CC2D2B: variants seen among roughly 807,000 people sequenced by gnomAD.
CC2D2B encodes the protein coiled-coil and C2 domain containing 2B.
CC2D2B carries 128 observed loss-of-function variants against 161.2 expected under a neutral mutation model. The ratio of observed to expected loss-of-function variants is 0.79; its 90% CI spans 0.69 to 0.92. The LOEUF (loss-of-function observed/expected upper bound fraction) is 0.92, where lower values mean the gene tolerates loss of function less well. Ranked by LOEUF, CC2D2B falls within the 40% of genes least tolerant of loss-of-function variation. The probability of loss-of-function intolerance (pLI) is 0.00; values close to 1 mark genes in which losing one functional copy is unlikely to be tolerated. For missense variants in CC2D2B, 1,173 were observed against 1,375.1 expected, an observed-to-expected ratio of 0.85 and a Z score of 2.32; for synonymous variants, 391 against 449.8, an observed-to-expected ratio of 0.87 and a Z score of 1.65.
chr10:96,000,013 T>A (rs994507271), intron 24 of CC2D2B: 1 of 1,275,634 alleles, frequency 7.8e-7, no homozygotes, highest in Non-Finnish European at 1.1e-6. Flanking sequence ...CTTGCCCTTC[T>A]TTGTTTACAA....
intron 16 of CC2D2B, among the ~76,000 whole-genome samples, chr10:95,972,618 G>T (rs1288063586): frequency 6.6e-6 from 1 of 152,064 alleles, no homozygotes; most frequent in African/African-American, 2.4e-5. Flanking sequence ...CTGGCCCTGT[G>T]TTTATTCTGT....
At chr10:96,005,889 AAT>A (rs967327784) in intron 25 of CC2D2B, among the ~76,000 whole-genome samples, 1 of 152,160 alleles carries the variant, frequency 6.6e-6, no homozygotes, top group African/African-American at 2.4e-5. Flanking sequence ...TTTTTAAAAA[AAT>A]AGTTATTTTC....
chr10:95,996,857 T>C (rs1237746920), intron 24 of CC2D2B, among the ~76,000 whole-genome samples: 1 of 152,190 alleles, frequency 6.6e-6, no homozygotes, highest in Non-Finnish European at 1.5e-5. Context: ...TGAGGCCTAA[T>C]GGGAGGTGTT....
At chr10:96,029,816 TG>T (rs1382528836) in intron 34 of CC2D2B, among the ~76,000 whole-genome samples, 63 of 93,980 alleles carry the variant, frequency 6.7e-4, no homozygotes, top group Middle Eastern at 8.1e-3. Context: ...ATTGTTGTTT[TG>T]TTTTTTTTTT....
At chr10:95,965,230 A>C (rs1373574365) in intron 12 of CC2D2B, among the ~76,000 whole-genome samples, 1 of 152,160 alleles carries the variant, frequency 6.6e-6, no homozygotes, top group African/African-American at 2.4e-5. Flanking sequence ...TGTTCAGATA[A>C]CTGAGATTTT....
At chr10:95,976,456 A>G (rs2077316680) in intron 17 of CC2D2B, among the ~76,000 whole-genome samples, 2 of 152,210 alleles carry the variant, frequency 1.3e-5, no homozygotes, top group Non-Finnish European at 2.9e-5. Context: ...GTAAATTGCA[A>G]AAGAGGTTTT....
rs869263327 is a variant in CC2D2B at position 95,957,553 on chromosome 10, A to ATTTTT, written c.1109+2083_1109+2087dup. On this transcript the variant is annotated intron_variant, in intron 11 of 34. Transcript: ENST00000646931. The stretch of plus-strand genomic sequence containing the variant: ...CTGGGCACAGAGACAGCTGACAATG[A>ATTTTT]TTTTTTTTTTTTTTTTTTTTTTTTT... Among the ~76,000 whole-genome samples, 64 of 83,714 alleles carry ATTTTT rather than the reference A, an allele frequency of 7.6e-4. 2 individuals are homozygous for ATTTTT. Among genetic ancestry groups the ATTTTT allele is most frequent in the East Asian group, 2.2e-3 (7 of 3,164 alleles). The allele number at this position is 83,714 out of a possible 152,430, so 54.9% of individuals were successfully genotyped here. A position where few individuals can be genotyped will look rare whatever the true frequency, so the allele number is the denominator to read the frequency against.
intron 18 of CC2D2B, among the ~76,000 whole-genome samples, chr10:95,982,680 T>A (rs1422923077): frequency 6.6e-6 from 1 of 152,256 alleles, no homozygotes; most frequent in East Asian, 1.9e-4. Context: ...CTTGCTTTCC[T>A]GTTAACCTTT....
chr10:95,959,502 G>T (rs955731479), intron 11 of CC2D2B, among the ~76,000 whole-genome samples: 2 of 152,152 alleles, frequency 1.3e-5, no homozygotes, highest in African/African-American at 4.8e-5. Context: ...TACATTTTCA[G>T]CTCGTTTAAT....
At chr10:96,029,261 T>TAC (rs2079931470) in intron 34 of CC2D2B, among the ~76,000 whole-genome samples, 6 of 53,460 alleles carry the variant, frequency 1.1e-4, no homozygotes, top group Non-Finnish European at 1.6e-4. Context: ...TATATATATA[T>TAC]ATATATATAT....
chr10:95,993,819 GTATATATAAAGAGTGTA>G (rs1458900016), intron 22 of CC2D2B, among the ~76,000 whole-genome samples: 3 of 139,154 alleles, frequency 2.2e-5, no homozygotes, highest in Non-Finnish European at 4.6e-5. Context: ...TATATAGAGT[GTATATATAAAGAGTGTA>G]TATATATATA....
chr10:95,995,198 C>A, intron 22 of CC2D2B, 71 bp from the exon 23 acceptor site: 2 of 799,654 alleles, frequency 2.5e-6, no homozygotes, highest in Admixed American at 3.1e-5. Flanking sequence ...ACAGGAAAAA[C>A]CCACCCACTC....
intron 10 of CC2D2B, chr10:95,950,411 A>G (rs1340620464): frequency 5.6e-6 from 1 of 179,118 alleles, no homozygotes. Context: ...GTCTTATAAT[A>G]AAGTATTTTA....
intron 28 of CC2D2B, among the ~76,000 whole-genome samples, chr10:96,013,374 C>CAA (rs201906577): frequency 1.6e-5 from 2 of 126,648 alleles, no homozygotes; most frequent in East Asian, 4.5e-4. Context: ...GATTTTGAAC[C>CAA]AAAAAAAAAA....
chr10:95,910,816 G>C (rs1419043498), intron 1 of CC2D2B, among the ~76,000 whole-genome samples: 1 of 151,970 alleles, frequency 6.6e-6, no homozygotes, highest in Non-Finnish European at 1.5e-5. Context: ...TATACTTTTG[G>C]GGGGAAGGGA....
intron 20 of CC2D2B, among the ~76,000 whole-genome samples, chr10:95,990,667 C>T (rs545092721): frequency 1.3e-5 from 2 of 152,282 alleles, no homozygotes; most frequent in East Asian, 3.9e-4. Context: ...ACTAGGGTCT[C>T]GATTACATTG....
chr10:96,027,149 CTT>C, intron 33 of CC2D2B, 61 bp from the exon 34 acceptor site: 1 of 1,179,576 alleles, frequency 8.5e-7, no homozygotes, highest in East Asian at 2.8e-5. Context: ...TCACAAAACT[CTT>C]ATTATATTTA....
In CC2D2B at chr10:96,004,215, C is replaced by T. The variant is rs751905339; in HGVS notation, c.2913C>T (p.Asn971=). 5 of 1,533,450 alleles carry T rather than the reference C, an allele frequency of 3.3e-6. No homozygotes were observed. The African/African-American group carries it at 4.2e-5, about 13-fold the overall frequency. 95.0% of individuals were successfully genotyped at this position (1,533,450 alleles called of 1,614,324 possible). Residue 971 remains asparagine (N), a synonymous_variant, in exon 25 of 35, where the codon AAC becomes AAT. Transcript: ENST00000646931. ...AAATAAAAGATAACATATATATCAACATTTTTGATGAAATGATGACTGAAA... is the reference window on the plus strand; with the variant it reads ...AAATAAAAGATAACATATATATCAATATTTTTGATGAAATGATGACTGAAA... ...LSKIKDNIYI[N]IFDEMMTEKH...
At chr10:95,938,499 T>C (rs1038156643) in intron 7 of CC2D2B, 70 bp from the exon 8 acceptor site, 1 of 627,694 alleles carries the variant, frequency 1.6e-6, no homozygotes. Context: ...TTGTTTGTAC[T>C]ACTTATTTGG....
Sources: allele counts gnomAD v4.1 joint callset (sites outside exome capture counted in the v4.1 genomes callset), GRCh38; gene constraint gnomAD v4.1.1; transcripts MANE v1.5; gene names NCBI Gene and HGNC (gene_info 2026-07-23, HGNC 2026-07-21).